Variants in LRCH1 observed in about 807,000 individuals in gnomAD.
The protein encoded by LRCH1 is leucine-rich repeat and calponin homology domain-containing protein 1.
In LRCH1, 23 loss-of-function variants were observed where a neutral mutation model predicts 94.9. That is an observed-to-expected ratio of 0.24 (90% CI 0.17 to 0.34). The LOEUF is 0.34. LRCH1 is among the 10% of genes least tolerant of loss of function. The probability of loss-of-function intolerance (pLI) is 1.00; values close to 1 mark genes in which losing one functional copy is unlikely to be tolerated. For synonymous variants in LRCH1, 364 were observed against 354.9 expected, an observed-to-expected ratio of 1.03 and a Z score of -0.29; for missense variants, 790 against 945.9, an observed-to-expected ratio of 0.84 and a Z score of 2.16.
At chr13:46,562,082 ACT>A (rs1343906518) in intron 1 of LRCH1, among the ~76,000 whole-genome samples, 6 of 151,924 alleles carry the variant, frequency 3.9e-5, no homozygotes, top group African/African-American at 1.4e-4. Context: ...TTGATGGATT[ACT>A]CTCTTTCCTC....
At chr13:46,631,604 T>C (rs2051018329) in intron 1 of LRCH1, among the ~76,000 whole-genome samples, 1 of 152,168 alleles carries the variant, frequency 6.6e-6, no homozygotes, top group African/African-American at 2.4e-5. Context: ...TTTATTTATT[T>C]TATGTTTTAC....
chr13:46,606,939 G>A (rs1425243370), intron 1 of LRCH1, among the ~76,000 whole-genome samples: 1 of 152,180 alleles, frequency 6.6e-6, no homozygotes, highest in African/African-American at 2.4e-5. Flanking sequence ...GGGCCAGGAG[G>A]AGAAGCACCT....
At chr13:46,698,767 G>A (rs1871321117) in intron 9 of LRCH1, among the ~76,000 whole-genome samples, 1 of 152,070 alleles carries the variant, frequency 6.6e-6, no homozygotes, top group South Asian at 2.1e-4. Context: ...TGTGGTCTTG[G>A]GCCACATTTT....
intron 9 of LRCH1, among the ~76,000 whole-genome samples, chr13:46,698,278 C>T (rs1871295447): frequency 6.6e-6 from 1 of 152,206 alleles, no homozygotes; most frequent in African/African-American, 2.4e-5. Flanking sequence ...CTGGTGTTCT[C>T]TCCTAGCTAG....
At chr13:46,649,335 C>T (rs184928753) in intron 1 of LRCH1, among the ~76,000 whole-genome samples, 2 of 152,174 alleles carry the variant, frequency 1.3e-5, no homozygotes, top group East Asian at 3.9e-4. Context: ...GTGGTTCTTT[C>T]CTTATAGTCT....
rs199863265 is a variant in LRCH1, at chr13:46,689,209, A to G, written c.1014+13A>G. The stretch of plus-strand genomic sequence containing the variant: ...ATCTGCCACCGAGGTAAAGTTAGTG[A>G]TCAGATTCTTTTCCTTCTGTACTTC... On this transcript the variant is annotated intron_variant, in intron 7 of 19. Transcript: ENST00000389797. 6.2e-7 allele frequency: 1 copy of G among 1,607,092 alleles called. No individual in the cohort carries two copies. The highest frequency in any genetic ancestry group is 1.1e-5 in the South Asian group (1 of 90,232).
intron 18 of LRCH1, among the ~76,000 whole-genome samples, chr13:46,729,364 T>C (rs1872987387): frequency 6.6e-6 from 1 of 151,720 alleles, no homozygotes; most frequent in Admixed American, 6.6e-5. Context: ...GGTTCTAAAA[T>C]AGAAAACTAC....
chr13:46,705,252 T>TTTTTTTTTTCTCACAG lies in LRCH1; in HGVS notation c.1491-15_1491-14insTTTTTTTTCTCACAGT. The TTTTTTTTTTCTCACAG allele has an allele frequency of 6.2e-7, 1 of 1,605,266 alleles. No homozygotes were observed. The highest frequency in any genetic ancestry group is 1.3e-5 in the African/African-American group (1 of 74,352). ...TTTCACTTTGTATCTTTTTTTTTCT[T>TTTTTTTTTTCTCACAG]TCCTTGTTCTCACAGTGGTCAAATA... On this transcript the variant is annotated splice_polypyrimidine_tract_variant and intron_variant, in intron 12 of 19. Transcript: ENST00000389797.
At chr13:46,611,651 G>A (rs1410198950) in intron 1 of LRCH1, among the ~76,000 whole-genome samples, 1 of 152,088 alleles carries the variant, frequency 6.6e-6, no homozygotes, top group Non-Finnish European at 1.5e-5. Flanking sequence ...GAGATATGCT[G>A]TGAGTGTAAA....
chr13:46,645,893 T>C (rs1441948577), intron 1 of LRCH1, among the ~76,000 whole-genome samples: 2 of 152,232 alleles, frequency 1.3e-5, no homozygotes. Context: ...ATCTTTTTCA[T>C]TCAATTAGAT....
intron 2 of LRCH1, 103 bp downstream of exon 2, chr13:46,650,448 T>C: frequency 1.0e-6 from 1 of 981,774 alleles, no homozygotes; most frequent in Non-Finnish European, 1.5e-6. Context: ...TCTTGATTTT[T>C]CTTTGATGTA....
Position 46,687,987 on chromosome 13 carries a change from A to G in LRCH1, c.950+8A>G, listed in dbSNP as rs765529602. On this transcript the variant is annotated splice_region_variant and intron_variant, in intron 6 of 19. Transcript: ENST00000389797. ...CCAGCACGTGGAAGATGGGTGAGTC[A>G]TGCCCTCATTCAAAGCCCCAGTTTA... is the stretch of plus-strand genomic sequence containing the variant. The G allele has an allele frequency of 2.5e-6, 4 of 1,603,544 alleles. No individual in the cohort carries two copies. The East Asian group carries it at 6.7e-5, about 27-fold the overall frequency.
chr13:46,620,652 T>C (rs1013699795), intron 1 of LRCH1, among the ~76,000 whole-genome samples: 1 of 152,182 alleles, frequency 6.6e-6, no homozygotes, highest in Non-Finnish European at 1.5e-5. Flanking sequence ...TCTGAAGCAG[T>C]GTTGAGTTCT....
At chr13:46,583,707 G>A (rs553961071) in intron 1 of LRCH1, among the ~76,000 whole-genome samples, 20 of 151,966 alleles carry the variant, frequency 1.3e-4, no homozygotes, top group Admixed American at 7.2e-4. Context: ...ATTTTTGAAC[G>A]TAATCATTTA....
intron 3 of LRCH1, among the ~76,000 whole-genome samples, chr13:46,677,147 C>A (rs9562676): frequency 6.6e-6 from 1 of 151,626 alleles, no homozygotes; most frequent in South Asian, 2.1e-4. Context: ...CGGTGGCTCA[C>A]GCCTGTAATT....
At chr13:46,634,597 C>T (rs1482934173) in intron 1 of LRCH1, among the ~76,000 whole-genome samples, 1 of 152,248 alleles carries the variant, frequency 6.6e-6, no homozygotes, top group African/African-American at 2.4e-5. Context: ...GCTTACAGCT[C>T]AATGCCTCTT....
intron 1 of LRCH1, among the ~76,000 whole-genome samples, chr13:46,643,167 G>A (rs1344891358): frequency 6.6e-6 from 1 of 152,050 alleles, no homozygotes; most frequent in Non-Finnish European, 1.5e-5. Flanking sequence ...CCTCTTATTT[G>A]GTTGCCGTTC....
intron 1 of LRCH1, among the ~76,000 whole-genome samples, chr13:46,640,206 G>A (rs1366842649): frequency 6.6e-6 from 1 of 152,156 alleles, no homozygotes; most frequent in Non-Finnish European, 1.5e-5. Flanking sequence ...ATTTATTTGT[G>A]TCTCATGGAA....
chr13:46,564,720 C>G (rs578158212), intron 1 of LRCH1, among the ~76,000 whole-genome samples: 1 of 152,346 alleles, frequency 6.6e-6, no homozygotes, highest in East Asian at 1.9e-4. Flanking sequence ...CCCCAACTTA[C>G]TAATTTTGGA....
Sources: gnomAD v4.1 joint callset for allele counts (sites outside exome capture counted in the v4.1 genomes callset) on GRCh38, gnomAD v4.1.1 for gene constraint, MANE v1.5 for transcripts, NCBI Gene and HGNC (gene_info 2026-07-23, HGNC 2026-07-21) for gene names.